The following LRRC9 variants were observed in gnomAD, a reference collection of about 807,000 sequenced individuals.
LRRC9 encodes the protein leucine rich repeat containing 9.
In LRRC9, 122 loss-of-function variants were observed where a neutral mutation model predicts 63.2. The observed-to-expected ratio is 1.93, with a 90% CI of 1.67 to 2.24. The LOEUF (loss-of-function observed/expected upper bound fraction) is 2.24. Ranked by LOEUF, LRRC9 falls within the 30% of genes most tolerant of loss-of-function variation. The pLI, the probability that LRRC9 is intolerant of heterozygous loss-of-function variation, is 0.00. For synonymous variants in LRRC9, 366 were observed against 213.1 expected (o/e 1.72, Z -6.25); for missense variants, 1,071 against 627.7 (o/e 1.71, Z -7.55).
intron 12 of LRRC9, among the ~76,000 whole-genome samples, chr14:59,974,247 T>C (rs1052565770): frequency 6.6e-5 from 10 of 152,140 alleles, no homozygotes; most frequent in Non-Finnish European, 1.2e-4. Flanking sequence ...GATTTTCTTT[T>C]TGGAGTTAGC....
At chr14:59,997,900 T>C (rs1053508980) in intron 18 of LRRC9, 53 bp downstream of exon 18, 3 of 620,330 alleles carry the variant, frequency 4.8e-6, no homozygotes, top group Admixed American at 2.5e-5. Context: ...TCAGAGCCAT[T>C]TCCCTACTAA....
chr14:59,921,166 C>G (rs930142049), intron 1 of LRRC9, among the ~76,000 whole-genome samples: 1 of 152,000 alleles, frequency 6.6e-6, no homozygotes, highest in Non-Finnish European at 1.5e-5. Context: ...GGAAACAGCC[C>G]ATGCCAAAGT....
Position 60,042,078 on chromosome 14 carries a change from G to A in LRRC9, c.3990+10015G>A, listed in dbSNP as rs1454156049. 2.6e-5 allele frequency among the ~76,000 whole-genome samples: 4 copies of A among 152,150 alleles called. No individual in the cohort carries two copies. Among genetic ancestry groups the A allele is most frequent in the Non-Finnish European group, 2.9e-5 (2 of 68,016 alleles). ...TGCAGAACAGCAAAGATTGCAGAAC[G>A]GCAAATGTTGCTGCTTGATCCTTCC... On this transcript the variant is annotated intron_variant, in intron 29 of 31. Coordinates refer to ENST00000445360, the Ensembl canonical transcript of LRRC9. This position sits in a 1 kb window ranked among gnomAD's most constrained non-coding sequence, Gnocchi z 4.2.
At chr14:60,033,878 A>G (rs1423417158) in intron 29 of LRRC9, among the ~76,000 whole-genome samples, 1 of 151,950 alleles carries the variant, frequency 6.6e-6, no homozygotes, top group East Asian at 1.9e-4. Flanking sequence ...TCTGGGCTTA[A>G]TATTTTTTGA....
intron 29 of LRRC9, among the ~76,000 whole-genome samples, chr14:60,046,219 G>A (rs1893412846): frequency 1.3e-5 from 2 of 152,266 alleles, no homozygotes; most frequent in South Asian, 2.1e-4. Flanking sequence ...CATTCTGTAG[G>A]TTGCCTGTGC....
chr14:59,954,412 C>T (rs537025223), intron 8 of LRRC9, among the ~76,000 whole-genome samples: 60 of 152,190 alleles, frequency 3.9e-4, no homozygotes, highest in African/African-American at 1.4e-3. Context: ...ATTTTATTCT[C>T]TTTCTAGCAA....
intron 29 of LRRC9, among the ~76,000 whole-genome samples, chr14:60,041,846 C>A (rs933777476): frequency 6.6e-6 from 1 of 152,202 alleles, no homozygotes; most frequent in African/African-American, 2.4e-5. Flanking sequence ...GAATTTTCAG[C>A]TTTTCTGCTC....
intron 3 of LRRC9, among the ~76,000 whole-genome samples, chr14:59,929,088 A>G (rs1017471113): frequency 2.0e-5 from 3 of 152,108 alleles, no homozygotes; most frequent in Admixed American, 6.6e-5. Flanking sequence ...TAATTAAACT[A>G]AAGAGCTTCT....
chr14:59,970,202 A>G (rs1885334376), intron 12 of LRRC9, among the ~76,000 whole-genome samples: 1 of 141,788 alleles, frequency 7.1e-6, no homozygotes, highest in Admixed American at 7.9e-5. Context: ...CTTATTAGTG[A>G]GAAAATGTAG....
intron 29 of LRRC9, among the ~76,000 whole-genome samples, chr14:60,046,922 C>G (rs756067834): frequency 6.6e-6 from 1 of 152,166 alleles, no homozygotes; most frequent in African/African-American, 2.4e-5. Context: ...TTTGTGTCCT[C>G]TCTGATTTCC....
intron 12 of LRRC9, among the ~76,000 whole-genome samples, chr14:59,972,830 AT>A (rs1430230017): frequency 6.6e-6 from 1 of 152,150 alleles, no homozygotes; most frequent in Non-Finnish European, 1.5e-5. Flanking sequence ...TAAAAGTTCC[AT>A]TTTATCCCTG....
At chr14:60,057,679 G>T (rs997040350) in intron 30 of LRRC9, 199 bp from the exon 31 acceptor site, 2 of 361,174 alleles carry the variant, frequency 5.5e-6, no homozygotes, top group Non-Finnish European at 9.9e-6. Flanking sequence ...AGAACACAAG[G>T]TTCTGAGGGA....
At chr14:60,018,147 G>A (rs219390) in intron 24 of LRRC9, among the ~76,000 whole-genome samples, 11 of 151,754 alleles carry the variant, frequency 7.2e-5, no homozygotes, top group Middle Eastern at 3.4e-3. Context: ...TGTTTTTTTT[G>A]AAAGCAACCA....
intron 28 of LRRC9, among the ~76,000 whole-genome samples, chr14:60,029,845 T>C (rs1204686144): frequency 1.3e-5 from 2 of 152,132 alleles, no homozygotes; most frequent in Non-Finnish European, 2.9e-5. Context: ...TTTGTTTTTA[T>C]CCTTGAAATG....
At chr14:60,032,334 T>C (rs1892058474) in intron 29 of LRRC9, among the ~76,000 whole-genome samples, 1 of 152,124 alleles carries the variant, frequency 6.6e-6, no homozygotes, top group African/African-American at 2.4e-5. Flanking sequence ...AATTAATTGA[T>C]GTTTTGTAGT....
intron 30 of LRRC9, chr14:60,057,649 G>A (rs1310753910): frequency 1.4e-5 from 3 of 207,492 alleles, no homozygotes; most frequent in Non-Finnish European, 2.6e-5. Flanking sequence ...GTACAATGCA[G>A]TCTGAAAAAA....
intron 8 of LRRC9, among the ~76,000 whole-genome samples, chr14:59,949,536 C>T (rs1246615169): frequency 6.6e-6 from 1 of 151,254 alleles, no homozygotes. Context: ...TTAGTTATTT[C>T]TTGCCTTCTG....
At chr14:60,034,307 G>A (rs554453851) in intron 29 of LRRC9, among the ~76,000 whole-genome samples, 20 of 151,890 alleles carry the variant, frequency 1.3e-4, no homozygotes, top group Admixed American at 7.2e-4. Context: ...GTGAGCCACC[G>A]TGCTCAGCCT....
chr14:59,921,234 C>T (rs1888747966), intron 1 of LRRC9, among the ~76,000 whole-genome samples: 1 of 152,132 alleles, frequency 6.6e-6, no homozygotes, highest in South Asian at 2.1e-4. Context: ...CTAGGGTCCT[C>T]TGTGGAGGTT....
Sources: allele counts gnomAD v4.1 joint callset (sites outside exome capture counted in the v4.1 genomes callset), GRCh38; gene constraint gnomAD v4.1.1; non-coding constraint Gnocchi (gnomAD v3.1); transcripts MANE v1.5; gene names NCBI Gene and HGNC (gene_info 2026-07-23, HGNC 2026-07-21).